The following FCHSD2 variants were observed in gnomAD, a reference collection of about 807,000 sequenced individuals.
FCHSD2 encodes the protein F-BAR and double SH3 domains protein 2.
Under a neutral mutation model 108.1 loss-of-function variants are expected in FCHSD2, and 38 were observed. The observed-to-expected ratio is 0.35, with a 90% CI of 0.27 to 0.46. FCHSD2 has a LOEUF of 0.46. Among genes scored for constraint, FCHSD2 ranks in the 20% least tolerant of loss-of-function variants. The pLI, the probability that FCHSD2 is intolerant of heterozygous loss-of-function variation, is 1.00. For synonymous variants in FCHSD2, 279 were observed against 314.7 expected (o/e 0.89, Z 1.20); for missense variants, 751 against 897.8 (o/e 0.84, Z 2.09).
rs541618649 is a variant in FCHSD2 at position 73,060,775 on chromosome 11, A to G, written c.165+22920T>C. Among the ~76,000 whole-genome samples the G allele has an allele frequency of 3.9e-5, 6 of 152,338 alleles. No homozygotes were observed. The South Asian group carries it at 1.2e-3, about 32-fold the overall frequency. Reference sequence around the variant, plus strand: ...TGGGCAAGATTGAAGTTAGAAATACACAAAACTCTAGGTTAAGAAGAAGGC... The same window carrying G: ...TGGGCAAGATTGAAGTTAGAAATACGCAAAACTCTAGGTTAAGAAGAAGGC... On this transcript the variant is annotated intron_variant, in intron 3 of 19. Coordinates refer to ENST00000409418, the MANE Select transcript of FCHSD2 (RefSeq NM_014824.3).
At position 73,026,234 on chromosome 11, in the gene FCHSD2, C is replaced by T. The variant is rs1248188158; in HGVS notation, c.166-10349G>A. ...GCTCAAGCAGTCCACCTACCTTGGG[C>T]TCCCAAGTGCTAGGGTTACAGGCAT... is the stretch of plus-strand genomic sequence containing the variant. On this transcript the variant is annotated intron_variant, in intron 3 of 19. Coordinates refer to ENST00000409418, the MANE Select transcript of FCHSD2 (RefSeq NM_014824.3). Among the ~76,000 whole-genome samples the T allele has an allele frequency of 4.6e-5, 7 of 152,152 alleles. No homozygotes were observed. The East Asian group carries it at 1.3e-3, about 29-fold the overall frequency.
intron 9 of FCHSD2, among the ~76,000 whole-genome samples, chr11:72,919,494 T>C (rs967807572): frequency 3.3e-5 from 5 of 152,200 alleles, no homozygotes; most frequent in African/African-American, 4.8e-5. Context: ...GCACTATGTG[T>C]GAGTGTGTAA....
chr11:72,885,993 T>C (rs1396885922), intron 12 of FCHSD2, among the ~76,000 whole-genome samples: 1 of 152,160 alleles, frequency 6.6e-6, no homozygotes, highest in Non-Finnish European at 1.5e-5. Context: ...CATGGGGCTG[T>C]ACCAAAAACA....
chr11:72,991,911 G>A (rs1857423107), intron 5 of FCHSD2, among the ~76,000 whole-genome samples: 1 of 152,096 alleles, frequency 6.6e-6, no homozygotes, highest in African/African-American at 2.4e-5. Flanking sequence ...TTCTGGCCAG[G>A]GCAATCAGGC....
chr11:72,841,616 T>C, intron 17 of FCHSD2, 33 bp from the exon 18 acceptor site: 1 of 1,560,898 alleles, frequency 6.4e-7, no homozygotes, highest in Non-Finnish European at 8.7e-7. Flanking sequence ...TACCCGGTGC[T>C]CCCCTCCAGG....
chr11:73,109,026 C>T (rs977743709), intron 2 of FCHSD2, among the ~76,000 whole-genome samples: 57 of 152,110 alleles, frequency 3.7e-4, no homozygotes, highest in African/African-American at 1.3e-3. Context: ...GCACCTTTGT[C>T]GAAAATGAGT....
intron 5 of FCHSD2, among the ~76,000 whole-genome samples, chr11:72,998,431 A>G (rs1857561218): frequency 6.6e-6 from 1 of 151,986 alleles, no homozygotes; most frequent in Non-Finnish European, 1.5e-5. Context: ...AATCCCAGCC[A>G]CTCAGGAGAC....
chr11:72,888,434 A>C (rs1855243676), intron 11 of FCHSD2, among the ~76,000 whole-genome samples: 1 of 152,200 alleles, frequency 6.6e-6, no homozygotes, highest in African/African-American at 2.4e-5. Flanking sequence ...TGGGCTAAAA[A>C]GTAAGTGGGA....
chr11:73,055,554 CT>C (rs1388162040), intron 3 of FCHSD2, among the ~76,000 whole-genome samples: 51 of 152,158 alleles, frequency 3.4e-4, no homozygotes, highest in African/African-American at 1.2e-3. Flanking sequence ...TCAAAAGATA[CT>C]GATATTTCAA....
intron 2 of FCHSD2, among the ~76,000 whole-genome samples, chr11:73,129,915 C>T (rs1428959733): frequency 6.7e-6 from 1 of 149,068 alleles, no homozygotes; most frequent in Middle Eastern, 3.2e-3. Flanking sequence ...CGCTCTGTCG[C>T]CCAGGCTGGA....
At chr11:72,959,217 AGTCTTTT>A (rs1856774604) in intron 8 of FCHSD2, among the ~76,000 whole-genome samples, 1 of 83,078 alleles carries the variant, frequency 1.2e-5, no homozygotes, top group African/African-American at 4.8e-5. Flanking sequence ...TATATCCAGC[AGTCTTTT>A]TTTTTTTTTT....
chr11:73,113,672 C>T (rs766924346), intron 2 of FCHSD2, among the ~76,000 whole-genome samples: 7 of 152,098 alleles, frequency 4.6e-5, no homozygotes, highest in Middle Eastern at 3.2e-3. Flanking sequence ...CTTGTTTGTA[C>T]CCGTCCTTCT....
chr11:72,842,151 T>G lies in FCHSD2; in HGVS notation c.1926+470A>C, dbSNP rs145360918. ...CTGTTTCCCTGTGATGAACTAAGTC[T>G]AGGGTCACTTGAGTGGGGATTAGGG... On this transcript the variant is annotated intron_variant, in intron 17 of 19. Transcript: ENST00000409418. 7.2e-5 allele frequency among the ~76,000 whole-genome samples: 11 copies of G among 152,296 alleles called. No homozygotes were observed. The East Asian group carries it at 2.1e-3, about 29-fold the overall frequency.
rs879537747 is a variant in FCHSD2 at position 73,141,991 on chromosome 11, C to A, written c.-114G>T. ...CGAGCGCGCGCGTGTGTGAAAGGAG[C>A]GCTTAAGAAGCAAGACTTGCCCCGG... On this transcript the variant is annotated 5_prime_UTR_variant, in exon 1 of 20. Coordinates refer to ENST00000409418, the MANE Select transcript of FCHSD2 (RefSeq NM_014824.3). 1 of 1,085,970 alleles carries A rather than the reference C, an allele frequency of 9.2e-7. No homozygotes were observed. Among genetic ancestry groups the A allele is most frequent in the Non-Finnish European group, 1.3e-6 (1 of 759,554 alleles). The allele number at this position is 1,085,970 out of a possible 1,614,324, so 67.3% of individuals were successfully genotyped here.
chr11:73,129,080 C>T (rs1860928891), intron 2 of FCHSD2, among the ~76,000 whole-genome samples: 1 of 151,758 alleles, frequency 6.6e-6, no homozygotes, highest in African/African-American at 2.4e-5. Flanking sequence ...ACCATGTTAG[C>T]CAGGATGGTC....
At chr11:73,016,447 A>G (rs1290089096) in intron 3 of FCHSD2, among the ~76,000 whole-genome samples, 1 of 152,186 alleles carries the variant, frequency 6.6e-6, no homozygotes. Context: ...AAGGGTGAGT[A>G]TAAGGATAAG....
chr11:73,064,476 CA>C (rs200735136), intron 3 of FCHSD2, among the ~76,000 whole-genome samples: 2,497 of 140,958 alleles, frequency 0.018, 43 homozygotes, highest in African/African-American at 0.041. Flanking sequence ...AAAAACCCTT[CA>C]AAAAAAAAAA....
Position 73,022,548 on chromosome 11 carries a change from T to C in FCHSD2, c.166-6663A>G, listed in dbSNP as rs975765874. ...CCACAAAATGTTTGCAGGATCTGTATGTGGAAAAGTCCATAATACTAATGA... is the reference window on the plus strand; with the variant it reads ...CCACAAAATGTTTGCAGGATCTGTACGTGGAAAAGTCCATAATACTAATGA... On this transcript the variant is annotated intron_variant, in intron 3 of 19. Coordinates refer to ENST00000409418, the MANE Select transcript of FCHSD2 (RefSeq NM_014824.3). Among the ~76,000 whole-genome samples the C allele has an allele frequency of 9.2e-5, 14 of 152,196 alleles. No homozygotes were observed. In the East Asian group the frequency reaches 2.7e-3, roughly 29 times the overall value.
At chr11:73,092,784 T>C (rs529889493) in intron 2 of FCHSD2, among the ~76,000 whole-genome samples, 38 of 152,176 alleles carry the variant, frequency 2.5e-4, no homozygotes, top group Non-Finnish European at 4.7e-4. Flanking sequence ...ATTTTGTGTA[T>C]ATCAAATCAA....
Sources: gnomAD v4.1 joint callset for allele counts (sites outside exome capture counted in the v4.1 genomes callset) on GRCh38, gnomAD v4.1.1 for gene constraint, MANE v1.5 for transcripts, NCBI Gene and HGNC (gene_info 2026-07-23, HGNC 2026-07-21) for gene names.